The following LRMDA variants were observed in gnomAD, a reference collection of about 807,000 sequenced individuals.
LRMDA encodes leucine-rich melanocyte differentiation-associated protein.
In LRMDA, 18 loss-of-function variants were observed where a neutral mutation model predicts 29.8. The ratio of observed to expected loss-of-function variants is 0.60; its 90% CI spans 0.42 to 0.90. LRMDA has a LOEUF of 0.90. LRMDA is among the 40% of genes least tolerant of loss of function. The probability of loss-of-function intolerance (pLI) is 0.00; values close to 1 mark genes in which losing one functional copy is unlikely to be tolerated. For synonymous variants in LRMDA, 125 were observed against 109.4 expected, an observed-to-expected ratio of 1.14 and a Z score of -0.89; for missense variants, 273 against 273.9, an observed-to-expected ratio of 1.00 and a Z score of 0.02.
At chr10:76,212,343 G>A (rs2132247213) in intron 5 of LRMDA, among the ~76,000 whole-genome samples, 1 of 151,434 alleles carries the variant, frequency 6.6e-6, no homozygotes, top group East Asian at 1.9e-4. Flanking sequence ...ATGAGAATTT[G>A]GAAAGAAGAA....
At chr10:75,480,948 G>A (rs1844849808) in intron 2 of LRMDA, among the ~76,000 whole-genome samples, 1 of 152,082 alleles carries the variant, frequency 6.6e-6, no homozygotes, top group South Asian at 2.1e-4. Flanking sequence ...TGGGTTTTTT[G>A]TTGGAACAAC....
At chr10:75,581,688 A>G (rs897378419) in intron 2 of LRMDA, among the ~76,000 whole-genome samples, 2 of 143,428 alleles carry the variant, frequency 1.4e-5, no homozygotes, top group Non-Finnish European at 3.1e-5. Context: ...ACAAGAACAG[A>G]AAACCAAACA....
chr10:75,660,515 T>A (rs1358731289), intron 2 of LRMDA, among the ~76,000 whole-genome samples: 1 of 152,148 alleles, frequency 6.6e-6, no homozygotes, highest in Non-Finnish European at 1.5e-5. Context: ...GGGTGGGAGT[T>A]AAAAGGCTCC....
chr10:75,757,770 T>G (rs1457324643), intron 2 of LRMDA, among the ~76,000 whole-genome samples: 1 of 152,064 alleles, frequency 6.6e-6, no homozygotes, highest in Non-Finnish European at 1.5e-5. Flanking sequence ...GTAAAGTTTG[T>G]AGGGCAGATT....
At chr10:75,853,238 T>G (rs552936971) in intron 2 of LRMDA, among the ~76,000 whole-genome samples, 12 of 152,194 alleles carry the variant, frequency 7.9e-5, no homozygotes. Context: ...TTCTTACTTT[T>G]CTCATTTTCT....
intron 5 of LRMDA, among the ~76,000 whole-genome samples, chr10:76,079,108 C>T (rs746241094): frequency 6.6e-6 from 1 of 152,204 alleles, no homozygotes; most frequent in Non-Finnish European, 1.5e-5. Flanking sequence ...ACTATGCTGA[C>T]CTCTTCTACA....
chr10:76,254,475 T>C (rs113501315), intron 5 of LRMDA, among the ~76,000 whole-genome samples: 1,995 of 151,940 alleles, frequency 0.013, 44 homozygotes, highest in African/African-American at 0.046. Context: ...CAATCAAGAG[T>C]ATTCATATAT....
At chr10:75,568,430 C>A (rs1304335539) in intron 2 of LRMDA, among the ~76,000 whole-genome samples, 1 of 152,172 alleles carries the variant, frequency 6.6e-6, no homozygotes, top group East Asian at 1.9e-4. Context: ...TTTGTAAATA[C>A]AGGCTGTGTT....
intron 6 of LRMDA, among the ~76,000 whole-genome samples, chr10:76,358,898 C>T (rs1020824069): frequency 6.6e-6 from 1 of 152,176 alleles, no homozygotes; most frequent in African/African-American, 2.4e-5. Flanking sequence ...ATTTGAATAA[C>T]TCTGTTGCTT....
At chr10:76,315,336 C>A (rs1335000668) in intron 5 of LRMDA, among the ~76,000 whole-genome samples, 1 of 152,212 alleles carries the variant, frequency 6.6e-6, no homozygotes, top group African/African-American at 2.4e-5. Flanking sequence ...CTCCTTGGTG[C>A]AGCTGCAGCT....
chr10:75,528,981 G>A (rs902540263), intron 2 of LRMDA, among the ~76,000 whole-genome samples: 2 of 152,138 alleles, frequency 1.3e-5, no homozygotes, highest in African/African-American at 2.4e-5. Flanking sequence ...AGAAAGCAGA[G>A]TAAGAGAAGG....
chr10:75,495,240 T>G (rs1845030277), intron 2 of LRMDA, among the ~76,000 whole-genome samples: 3 of 152,248 alleles, frequency 2.0e-5, no homozygotes, highest in Non-Finnish European at 2.9e-5. Flanking sequence ...TTCTGTCTCC[T>G]TCTCCCTCTC....
At chr10:76,534,032 C>T (rs1843265383) in intron 6 of LRMDA, among the ~76,000 whole-genome samples, 1 of 152,094 alleles carries the variant, frequency 6.6e-6, no homozygotes, top group Non-Finnish European at 1.5e-5. Context: ...TGTTATGTGC[C>T]AGACACTGTG....
chr10:75,648,276 G>T (rs1841553434), intron 2 of LRMDA, among the ~76,000 whole-genome samples: 1 of 152,102 alleles, frequency 6.6e-6, no homozygotes, highest in Non-Finnish European at 1.5e-5. Flanking sequence ...TTTAACCAAG[G>T]TTCTGTGTCT....
intron 6 of LRMDA, among the ~76,000 whole-genome samples, chr10:76,483,720 C>T (rs1307103221): frequency 6.8e-6 from 1 of 146,610 alleles, no homozygotes; most frequent in African/African-American, 2.5e-5. Context: ...GGTCAAGAAA[C>T]CATTAAAAAA....
intron 5 of LRMDA, among the ~76,000 whole-genome samples, chr10:76,242,514 T>C (rs1206460733): frequency 6.6e-6 from 1 of 152,318 alleles, no homozygotes; most frequent in East Asian, 1.9e-4. Context: ...GTGCTATCAC[T>C]TATAGATGCA....
intron 2 of LRMDA, among the ~76,000 whole-genome samples, chr10:75,937,700 C>T (rs562045978): frequency 3.5e-4 from 53 of 152,274 alleles, no homozygotes; most frequent in African/African-American, 7.7e-4. Flanking sequence ...TGGTTTCTTA[C>T]GACTTCACTT....
intron 6 of LRMDA, among the ~76,000 whole-genome samples, chr10:76,520,327 T>C (rs1019875273): frequency 6.6e-6 from 1 of 152,088 alleles, no homozygotes; most frequent in Non-Finnish European, 1.5e-5. Context: ...ATCATGATAA[T>C]TCTTATTACT....
At chr10:75,998,318 T>C (rs1247765098) in intron 2 of LRMDA, among the ~76,000 whole-genome samples, 1 of 152,176 alleles carries the variant, frequency 6.6e-6, no homozygotes, top group African/African-American at 2.4e-5. Flanking sequence ...TGCTTTGACT[T>C]ACTTCCCATT....
Sources: allele counts gnomAD v4.1 joint callset (sites outside exome capture counted in the v4.1 genomes callset), GRCh38; gene constraint gnomAD v4.1.1; transcripts MANE v1.5; gene names NCBI Gene and HGNC (gene_info 2026-07-23, HGNC 2026-07-21).